Variants in MYRFL observed in about 807,000 individuals in gnomAD.
MYRFL encodes myelin regulatory factor like.
A neutral mutation model predicts 109.4 loss-of-function variants in MYRFL; 88 were observed. The ratio of observed to expected loss-of-function variants is 0.80; its 90% CI spans 0.68 to 0.96. The LOEUF (loss-of-function observed/expected upper bound fraction) is 0.96. Among genes scored for constraint, MYRFL ranks in the 40% least tolerant of loss-of-function variants. The pLI, the probability that MYRFL is intolerant of heterozygous loss-of-function variation, is 0.00. For synonymous variants in MYRFL, 324 were observed against 320.9 expected, an observed-to-expected ratio of 1.01 and a Z score of -0.10; for missense variants, 957 against 954.9, an observed-to-expected ratio of 1.00 and a Z score of -0.03.
intron 19 of MYRFL, among the ~76,000 whole-genome samples, chr12:69,949,921 CTG>C (rs1454410700): frequency 5.3e-5 from 8 of 152,172 alleles, no homozygotes; most frequent in Non-Finnish European, 1.0e-4. Flanking sequence ...CTTAGCTTAT[CTG>C]TCAAGCGGGG....
rs1954550108 is a variant in MYRFL, at chr12:69,911,013, C to T, written c.1602+83C>T. ...TCTGTGATAGCACAATGGGCTGAAACATCCAACCAGGAAGTGGGACATTAA... is the reference window on the plus strand; with the variant it reads ...TCTGTGATAGCACAATGGGCTGAAATATCCAACCAGGAAGTGGGACATTAA... On this transcript the variant is annotated intron_variant, in intron 13 of 24. Coordinates refer to ENST00000552032, the MANE Select transcript of MYRFL (RefSeq NM_182530.3). The T allele has an allele frequency of 3.4e-6, 3 of 873,118 alleles. No individual in the cohort carries two copies. In the South Asian group the frequency reaches 4.8e-5, roughly 14 times the overall value. The allele number at this position is 873,118 out of a possible 1,614,324, so 54.1% of individuals were successfully genotyped here.
intron 1 of MYRFL, among the ~76,000 whole-genome samples, chr12:69,837,965 T>C (rs1288604284): frequency 6.6e-6 from 1 of 152,228 alleles, no homozygotes; most frequent in African/African-American, 2.4e-5. Flanking sequence ...CTCAAATGTA[T>C]GTGTTGAGTC....
intron 2 of MYRFL, among the ~76,000 whole-genome samples, chr12:69,863,620 A>G (rs1323299787): frequency 6.6e-6 from 1 of 152,188 alleles, no homozygotes; most frequent in African/African-American, 2.4e-5. Flanking sequence ...GCATCTATAT[A>G]TATTTAAAAC....
intron 2 of MYRFL, among the ~76,000 whole-genome samples, chr12:69,857,149 G>A (rs946587068): frequency 3.3e-5 from 5 of 151,606 alleles, no homozygotes; most frequent in Non-Finnish European, 7.4e-5. Context: ...AATTACCTTT[G>A]CACAGTTGTA....
At chr12:69,957,343 G>A (rs921517820) in intron 22 of MYRFL, among the ~76,000 whole-genome samples, 36 of 152,166 alleles carry the variant, frequency 2.4e-4, no homozygotes, top group Non-Finnish European at 4.6e-4. Context: ...CTCAGTGCCA[G>A]TGGAAAGAGA....
At chr12:69,857,150 C>T (rs980700959) in intron 2 of MYRFL, among the ~76,000 whole-genome samples, 1 of 151,798 alleles carries the variant, frequency 6.6e-6, no homozygotes, top group Non-Finnish European at 1.5e-5. Context: ...ATTACCTTTG[C>T]ACAGTTGTAA....
intron 2 of MYRFL, among the ~76,000 whole-genome samples, chr12:69,864,523 G>T (rs1884893591): frequency 6.6e-6 from 1 of 152,004 alleles, no homozygotes; most frequent in Non-Finnish European, 1.5e-5. Flanking sequence ...TAGTAGTGGA[G>T]AAACCTGTAT....
chr12:69,910,665 CAG>C (rs1954538505), intron 12 of MYRFL, among the ~76,000 whole-genome samples, 154 bp from the exon 13 acceptor site: 2 of 145,646 alleles, frequency 1.4e-5, no homozygotes, highest in East Asian at 2.0e-4. Context: ...AAAGAAAAAA[CAG>C]AAAACACTCC....
intron 1 of MYRFL, among the ~76,000 whole-genome samples, chr12:69,842,986 T>C (rs1460856541): frequency 1.3e-5 from 2 of 152,228 alleles, no homozygotes; most frequent in Admixed American, 1.3e-4. Flanking sequence ...AGTAAATGAA[T>C]AAAGCAATTA....
rs1953952616 is a variant in MYRFL at position 69,895,352 on chromosome 12, T to C, written c.981-19T>C. ...TCTCTTATAGTCTCTTGGTTTTTTT[T>C]TTTTGCTGTTTGTTTTAGAATTGAC... On this transcript the variant is annotated intron_variant, in intron 8 of 24. Coordinates refer to ENST00000552032, the MANE Select transcript of MYRFL (RefSeq NM_182530.3). 1 of 1,503,940 alleles carries C rather than the reference T, an allele frequency of 6.6e-7. No homozygotes were observed. Among genetic ancestry groups the C allele is most frequent in the Non-Finnish European group, 8.9e-7 (1 of 1,124,810 alleles). 93.2% of individuals were successfully genotyped at this position (1,503,940 alleles called of 1,614,324 possible). A position where few individuals can be genotyped will look rare whatever the true frequency, so the allele number is the denominator to read the frequency against.
In MYRFL at chr12:69,841,547, A is replaced by G. The variant is rs191037178; in HGVS notation, c.47-13733A>G. ...TATGAAGTTGGAAGAGATGTGCACA[A>G]GCTTGTACAACCTGGCTCCAGCACA... is the stretch of plus-strand genomic sequence containing the variant. On this transcript the variant is annotated intron_variant, in intron 1 of 24. Coordinates refer to ENST00000552032, the MANE Select transcript of MYRFL (RefSeq NM_182530.3). 9.3e-4 allele frequency among the ~76,000 whole-genome samples: 142 copies of G among 152,310 alleles called. 3 individuals carry two copies. Among genetic ancestry groups the G allele is most frequent in the Non-Finnish European group, 1.1e-3 (76 of 68,032 alleles).
intron 19 of MYRFL, among the ~76,000 whole-genome samples, chr12:69,939,897 C>T (rs1301775729): frequency 2.0e-5 from 3 of 152,038 alleles, no homozygotes; most frequent in Non-Finnish European, 2.9e-5. Context: ...GTGAAGAATG[C>T]AGAAGCCTCA....
intron 19 of MYRFL, among the ~76,000 whole-genome samples, chr12:69,941,447 C>T (rs1200155064): frequency 6.2e-5 from 2 of 32,516 alleles, no homozygotes; most frequent in African/African-American, 2.4e-4. Context: ...GGGTACATAA[C>T]GAAATGAAGG....
At chr12:69,890,603 G>A (rs1165297547) in intron 6 of MYRFL, among the ~76,000 whole-genome samples, 4 of 152,124 alleles carry the variant, frequency 2.6e-5, no homozygotes, top group African/African-American at 9.7e-5. Flanking sequence ...GCGTGGTGGT[G>A]TGCACCTGTA....
At chr12:69,866,661 CT>C (rs1885035343) in intron 2 of MYRFL, among the ~76,000 whole-genome samples, 1 of 152,140 alleles carries the variant, frequency 6.6e-6, no homozygotes, top group Non-Finnish European at 1.5e-5. Flanking sequence ...AGTGTCAACC[CT>C]TTATCTCAAA....
chr12:69,873,103 T>C (rs1050394138), intron 2 of MYRFL, among the ~76,000 whole-genome samples: 9 of 152,174 alleles, frequency 5.9e-5, no homozygotes, highest in African/African-American at 2.2e-4. Context: ...TTTTTCTTTC[T>C]TTACAGTTTC....
chr12:69,954,594 A>C (rs1257756047), intron 21 of MYRFL, among the ~76,000 whole-genome samples: 2 of 152,188 alleles, frequency 1.3e-5, no homozygotes, highest in African/African-American at 4.8e-5. Context: ...TTTGCTTTTT[A>C]CCTTTTTAGC....
chr12:69,825,667 C>A, intron 1 of MYRFL, 104 bp downstream of exon 1: 1 of 652,374 alleles, frequency 1.5e-6, no homozygotes, highest in Admixed American at 2.5e-5. Flanking sequence ...GAAAGAAATG[C>A]TATCATACTT....
chr12:69,894,682 T>G (rs1592774432), intron 8 of MYRFL, among the ~76,000 whole-genome samples: 1 of 152,368 alleles, frequency 6.6e-6, no homozygotes, highest in South Asian at 2.1e-4. Context: ...AATATGGCAG[T>G]CCAAGCTAGA....
Sources: gnomAD v4.1 joint callset for allele counts (sites outside exome capture counted in the v4.1 genomes callset) on GRCh38, gnomAD v4.1.1 for gene constraint, MANE v1.5 for transcripts, NCBI Gene and HGNC (gene_info 2026-07-23, HGNC 2026-07-21) for gene names.